HS3ST5: variants seen among roughly 807,000 people sequenced by gnomAD.
The protein encoded by HS3ST5 is heparan sulfate-glucosamine 3-sulfotransferase 5.
A neutral mutation model predicts 25.4 loss-of-function variants in HS3ST5; 10 were observed. The observed-to-expected ratio is 0.39, with a 90% confidence interval of 0.24 to 0.67. The LOEUF (loss-of-function observed/expected upper bound fraction) is 0.67. Among genes scored for constraint, HS3ST5 ranks in the 30% least tolerant of loss-of-function variants. The pLI, the probability that HS3ST5 is intolerant of heterozygous loss-of-function variation, is 0.44. For synonymous variants in HS3ST5, 170 were observed against 162.4 expected (o/e 1.05, Z -0.36); for missense variants, 324 against 420.7 (o/e 0.77, Z 2.01).
chr6:114,327,845 G>T (rs1022198401), intron 1 of HS3ST5, among the ~76,000 whole-genome samples: 1 of 152,166 alleles, frequency 6.6e-6, no homozygotes, highest in South Asian at 2.1e-4. Context: ...AGAATTGCTA[G>T]TTTTAGTCAT....
At chr6:114,329,658 T>C (rs1776310663) in intron 1 of HS3ST5, among the ~76,000 whole-genome samples, 1 of 152,154 alleles carries the variant, frequency 6.6e-6, no homozygotes, top group Non-Finnish European at 1.5e-5. Context: ...GCAGGAAGTA[T>C]GAAGGAGGTT....
At chr6:114,061,324 A>C (rs1773102985) in intron 4 of HS3ST5, among the ~76,000 whole-genome samples, 1 of 152,176 alleles carries the variant, frequency 6.6e-6, no homozygotes, top group Admixed American at 6.5e-5. Context: ...CTACTTTAGG[A>C]AACTACTGGA....
chr6:114,341,252 AGAGAGAGAGT>A (rs1363292615), intron 1 of HS3ST5, among the ~76,000 whole-genome samples: 2 of 149,298 alleles, frequency 1.3e-5, no homozygotes, highest in Non-Finnish European at 3.0e-5. Context: ...AGAGAGAGAG[AGAGAGAGAGT>A]GAGTCCCACC....
chr6:114,109,250 G>A (rs1232393588), intron 3 of HS3ST5, among the ~76,000 whole-genome samples: 1 of 142,740 alleles, frequency 7.0e-6, no homozygotes, highest in Non-Finnish European at 1.5e-5. Flanking sequence ...AGCGGAAGGT[G>A]TTTGTATCTA....
At chr6:114,187,208 A>G (rs905798630) in intron 2 of HS3ST5, among the ~76,000 whole-genome samples, 1 of 152,236 alleles carries the variant, frequency 6.6e-6, no homozygotes, top group Non-Finnish European at 1.5e-5. Flanking sequence ...CTTATTAACT[A>G]AGAAATACAT....
chr6:114,244,700 G>C (rs1206089885), intron 1 of HS3ST5, among the ~76,000 whole-genome samples: 1 of 152,038 alleles, frequency 6.6e-6, no homozygotes, highest in Non-Finnish European at 1.5e-5. Flanking sequence ...TTCCCTTATA[G>C]TTATTTTTGT....
At chr6:114,116,829 G>C (rs1776554330) in intron 3 of HS3ST5, among the ~76,000 whole-genome samples, 1 of 151,970 alleles carries the variant, frequency 6.6e-6, no homozygotes, top group African/African-American at 2.4e-5. Flanking sequence ...TTTGGGTTTG[G>C]TGCCATCCTT....
At chr6:114,198,690 T>C (rs911609186) in intron 2 of HS3ST5, among the ~76,000 whole-genome samples, 1 of 152,200 alleles carries the variant, frequency 6.6e-6, no homozygotes, top group Admixed American at 6.5e-5. Context: ...AAGAAATAAT[T>C]GTGCATAGTT....
Position 114,056,417 on chromosome 6 carries a change from G to T in HS3ST5, c.*840C>A, listed in dbSNP as rs1418194876. 1 of 150,068 alleles carries T rather than the reference G, an allele frequency of 6.7e-6. No individual in the cohort carries two copies. Among genetic ancestry groups the T allele is most frequent in the Admixed American group, 6.8e-5 (1 of 14,762 alleles). 9.3% of individuals were successfully genotyped at this position (150,068 alleles called of 1,614,324 possible). The stretch of plus-strand genomic sequence containing the variant: ...CAGCTTCCATTTTGGAAGCCAGCAG[G>T]GGGCACGTAAAACAAAATGAGTAAA... On this transcript the variant is annotated 3_prime_UTR_variant, in exon 5 of 5. Coordinates refer to ENST00000312719, the MANE Select transcript of HS3ST5 (RefSeq NM_153612.4).
At chr6:114,212,727 T>A (rs1781560054) in intron 2 of HS3ST5, among the ~76,000 whole-genome samples, 1 of 152,236 alleles carries the variant, frequency 6.6e-6, no homozygotes, top group Non-Finnish European at 1.5e-5. Flanking sequence ...TTAACTTGCC[T>A]GTTTCAGTAG....
At chr6:114,293,034 A>C (rs1244693424) in intron 1 of HS3ST5, among the ~76,000 whole-genome samples, 1 of 152,064 alleles carries the variant, frequency 6.6e-6, no homozygotes. Context: ...AATGATCATA[A>C]TACAGTGTAA....
intron 1 of HS3ST5, among the ~76,000 whole-genome samples, chr6:114,278,984 T>C (rs1411722512): frequency 1.3e-5 from 2 of 152,030 alleles, no homozygotes; most frequent in African/African-American, 4.8e-5. Flanking sequence ...TTTTTCTACT[T>C]TACTGCATCA....
intron 1 of HS3ST5, among the ~76,000 whole-genome samples, chr6:114,287,986 A>T (rs1774410778): frequency 6.6e-6 from 1 of 152,008 alleles, no homozygotes; most frequent in Admixed American, 6.6e-5. Flanking sequence ...ATGTGTGAAG[A>T]TGTTATTTTA....
intron 2 of HS3ST5, among the ~76,000 whole-genome samples, chr6:114,189,568 T>C (rs1270358539): frequency 6.6e-6 from 1 of 152,202 alleles, no homozygotes; most frequent in African/African-American, 2.4e-5. Context: ...CTATATTTGC[T>C]GGAAAAATGC....
At chr6:114,250,458 G>A (rs973548843) in intron 1 of HS3ST5, among the ~76,000 whole-genome samples, 1 of 152,024 alleles carries the variant, frequency 6.6e-6, no homozygotes, top group African/African-American at 2.4e-5. Context: ...GCAGGCGCCT[G>A]TAGTCCCAGC....
intron 3 of HS3ST5, among the ~76,000 whole-genome samples, chr6:114,131,627 C>G (rs1046589323): frequency 6.6e-6 from 1 of 152,138 alleles, no homozygotes; most frequent in Admixed American, 6.6e-5. Flanking sequence ...ATACTTCTTT[C>G]AGGAAACTGA....
intron 1 of HS3ST5, among the ~76,000 whole-genome samples, chr6:114,312,466 A>AG (rs1198905917): frequency 6.6e-6 from 1 of 152,166 alleles, no homozygotes; most frequent in Non-Finnish European, 1.5e-5. Flanking sequence ...AAGATCCTTG[A>AG]GGTAGACAAG....
intron 2 of HS3ST5, among the ~76,000 whole-genome samples, chr6:114,200,654 A>G (rs183047331): frequency 2.0e-5 from 3 of 152,256 alleles, no homozygotes; most frequent in African/African-American, 7.2e-5. Flanking sequence ...CTTTTTGCAA[A>G]CACCAATTAA....
intron 2 of HS3ST5, among the ~76,000 whole-genome samples, chr6:114,184,433 C>T (rs1275373429): frequency 6.6e-6 from 1 of 152,018 alleles, no homozygotes; most frequent in African/African-American, 2.4e-5. Flanking sequence ...GGGTATGAAC[C>T]ATGGACTTAA....
Sources: allele counts gnomAD v4.1 joint callset (sites outside exome capture counted in the v4.1 genomes callset), GRCh38; gene constraint gnomAD v4.1.1; transcripts MANE v1.5; gene names NCBI Gene and HGNC (gene_info 2026-07-23, HGNC 2026-07-21).